SLC35A1: variants seen among roughly 807,000 people sequenced by gnomAD.
SLC35A1 encodes the protein CMP-sialic acid transporter.
A neutral mutation model predicts 40.3 loss-of-function variants in SLC35A1; 21 were observed. The observed-to-expected ratio is 0.52, with a 90% CI of 0.37 to 0.75. The LOEUF (loss-of-function observed/expected upper bound fraction) is 0.75, where lower values mean the gene tolerates loss of function less well. Ranked by LOEUF, SLC35A1 falls within the 30% of genes least tolerant of loss-of-function variation. SLC35A1 has a pLI of 0.00. For synonymous variants in SLC35A1, 146 were observed against 147.3 expected (o/e 0.99, Z 0.06); for missense variants, 297 against 382.1 (o/e 0.78, Z 1.86).
chr6:87,480,051 T>C (rs1466351654), intron 2 of SLC35A1, among the ~76,000 whole-genome samples: 2 of 152,220 alleles, frequency 1.3e-5, no homozygotes, highest in Non-Finnish European at 2.9e-5. Flanking sequence ...GTAAAGGTCC[T>C]CCATAATACC....
chr6:87,483,211 TTCTCTC>T (rs908540506), intron 2 of SLC35A1, among the ~76,000 whole-genome samples: 1 of 150,436 alleles, frequency 6.6e-6, no homozygotes, highest in African/African-American at 2.4e-5. Context: ...CTCTTTCTCT[TTCTCTC>T]TCTCTCTCTG....
intron 2 of SLC35A1, among the ~76,000 whole-genome samples, chr6:87,477,969 C>T (rs1397789791): frequency 6.6e-6 from 1 of 152,132 alleles, no homozygotes; most frequent in African/African-American, 2.4e-5. Context: ...CAATTATTGA[C>T]TTGTGTTTTG....
At chr6:87,494,721 G>A (rs926153871) in intron 2 of SLC35A1, among the ~76,000 whole-genome samples, 4 of 152,006 alleles carry the variant, frequency 2.6e-5, no homozygotes, top group African/African-American at 9.7e-5. Context: ...CACTGCACCC[G>A]GCCAAATATT....
chr6:87,500,169 G>C (rs1270760249), intron 2 of SLC35A1, among the ~76,000 whole-genome samples: 1 of 152,126 alleles, frequency 6.6e-6, no homozygotes, highest in African/African-American at 2.4e-5. Context: ...GGGTGAACTT[G>C]ATGAAATAGT....
At chr6:87,489,535 C>CTTTT (rs36003216) in intron 2 of SLC35A1, among the ~76,000 whole-genome samples, 439 of 99,034 alleles carry the variant, frequency 4.4e-3, no homozygotes, top group Middle Eastern at 7.7e-3. Flanking sequence ...CAACTGTGAG[C>CTTTT]TTTTTTTTTT....
chr6:87,475,785 A>G lies in SLC35A1; in HGVS notation c.17-1577A>G, dbSNP rs149848485. Among the ~76,000 whole-genome samples the G allele has an allele frequency of 4.9e-3, 747 of 152,346 alleles. 3 individuals carry two copies. Among genetic ancestry groups the G allele is most frequent in the Non-Finnish European group, 7.6e-3 (519 of 68,024 alleles). On this transcript the variant is annotated intron_variant, in intron 1 of 7. Coordinates refer to ENST00000369552, the MANE Select transcript of SLC35A1 (RefSeq NM_006416.5). ...AGCAGTGAACAAAATCTTACTTAGCATATAATGTAGTTAAAGTAGCAGGCT... is the reference window on the plus strand; with the variant it reads ...AGCAGTGAACAAAATCTTACTTAGCGTATAATGTAGTTAAAGTAGCAGGCT...
chr6:87,475,936 A>G lies in SLC35A1; in HGVS notation c.17-1426A>G, dbSNP rs78286221. On this transcript the variant is annotated intron_variant, in intron 1 of 7. Coordinates refer to ENST00000369552, the MANE Select transcript of SLC35A1 (RefSeq NM_006416.5). ...CTGATCCCTGTTTAACCTTGAGCCT[A>G]AAGATTTGAATGGAGGTGAAGGGGA... Among the ~76,000 whole-genome samples the G allele has an allele frequency of 2.4e-3, 360 of 152,276 alleles. 4 individuals are homozygous for G. The highest frequency in any genetic ancestry group is 8.2e-3 in the African/African-American group (341 of 41,560).
chr6:87,501,292 C>G lies in SLC35A1; in HGVS notation c.489C>G (p.Ala163=). 6.2e-7 allele frequency: 1 copy of G among 1,613,784 alleles called. No homozygotes were observed. Among genetic ancestry groups the G allele is most frequent in the East Asian group, 2.2e-5 (1 of 44,872 alleles). The change falls in exon 4 of 8, where the codon GCC becomes GCG. Residue 163 remains alanine, a synonymous_variant. Coordinates refer to ENST00000369552, the MANE Select transcript of SLC35A1 (RefSeq NM_006416.5). ...TTACGCTTGTACAGTGGAAACCAGC[C>G]CAAGCTACAAAAGTGGTGGTAAGAA... ...AGVTLVQWKP[A]QATKVVVEQN...
intron 2 of SLC35A1, among the ~76,000 whole-genome samples, chr6:87,490,903 A>G (rs1226851184): frequency 6.6e-6 from 1 of 152,192 alleles, no homozygotes; most frequent in Non-Finnish European, 1.5e-5. Context: ...GTGTTATGTA[A>G]AATGCCACAC....
chr6:87,475,776 T>A (rs1769052919), intron 1 of SLC35A1, among the ~76,000 whole-genome samples: 1 of 152,240 alleles, frequency 6.6e-6, no homozygotes, highest in African/African-American at 2.4e-5. Context: ...GAACAAAATC[T>A]TACTTAGCAT....
chr6:87,483,548 C>G (rs1769306044), intron 2 of SLC35A1, among the ~76,000 whole-genome samples: 1 of 152,122 alleles, frequency 6.6e-6, no homozygotes, highest in African/African-American at 2.4e-5. Flanking sequence ...GAGGTTCAGC[C>G]CCTGAAATTA....
chr6:87,484,670 G>C (rs1182316016), intron 2 of SLC35A1, among the ~76,000 whole-genome samples: 1 of 124,828 alleles, frequency 8.0e-6, no homozygotes, highest in Non-Finnish European at 1.7e-5. Flanking sequence ...AATGAATCAG[G>C]GTGGAGCAGG....
In SLC35A1 at chr6:87,511,915, T is replaced by G; in HGVS notation, c.*389T>G. The stretch of plus-strand genomic sequence containing the variant: ...ATTTCTGTACTAACTGTTCTCTTGT[T>G]CCGGTACCGGGGAGAAGGATGACCC... On this transcript the variant is annotated 3_prime_UTR_variant, in exon 8 of 8. Transcript: ENST00000369552. 1 of 273,320 alleles carries G rather than the reference T, an allele frequency of 3.7e-6. No homozygotes were observed. The highest frequency in any genetic ancestry group is 7.1e-6 in the Non-Finnish European group (1 of 139,992). The allele number at this position is 273,320 out of a possible 1,614,324, so 16.9% of individuals were successfully genotyped here.
chr6:87,486,333 T>C (rs1191723138), intron 2 of SLC35A1, among the ~76,000 whole-genome samples: 1 of 152,180 alleles, frequency 6.6e-6, no homozygotes, highest in African/African-American at 2.4e-5. Context: ...TTCAAATCTG[T>C]GTTTCATTCC....
intron 2 of SLC35A1, among the ~76,000 whole-genome samples, chr6:87,483,488 T>C (rs1190922455): frequency 1.0e-5 from 1 of 95,322 alleles, no homozygotes; most frequent in Non-Finnish European, 2.1e-5. Flanking sequence ...TTGGGATTTT[T>C]CACCTCTTTT....
intron 2 of SLC35A1, among the ~76,000 whole-genome samples, chr6:87,482,839 CT>C (rs1341263697): frequency 4.2e-5 from 4 of 95,364 alleles, no homozygotes; most frequent in African/African-American, 2.1e-4. Context: ...TCTTAGGATA[CT>C]TCTGAACTGG....
At chr6:87,510,988 G>C (rs1339288189) in intron 7 of SLC35A1, among the ~76,000 whole-genome samples, 3 of 149,534 alleles carry the variant, frequency 2.0e-5, no homozygotes, top group African/African-American at 7.4e-5. Flanking sequence ...TTGGTCACCT[G>C]TCTTTTACTC....
intron 2 of SLC35A1, among the ~76,000 whole-genome samples, chr6:87,487,640 T>C (rs976723972): frequency 6.6e-6 from 1 of 152,204 alleles, no homozygotes; most frequent in African/African-American, 2.4e-5. Context: ...CTTCTTATAC[T>C]TAGGAACATC....
At chr6:87,501,032 G>A (rs538559515) in intron 3 of SLC35A1, 126 bp from the exon 4 acceptor site, 7 of 939,186 alleles carry the variant, frequency 7.5e-6, no homozygotes, top group South Asian at 4.3e-5. Context: ...TTACAGGTGT[G>A]AGCCACCGTG....
Sources: allele counts gnomAD v4.1 joint callset (sites outside exome capture counted in the v4.1 genomes callset), GRCh38; gene constraint gnomAD v4.1.1; transcripts MANE v1.5; gene names NCBI Gene and HGNC (gene_info 2026-07-23, HGNC 2026-07-21).